The following EML2 variants were observed in gnomAD, a reference collection of about 807,000 sequenced individuals.
EML2 encodes EMAP like 2, also known as echinoderm microtubule-associated protein-like 2.
A neutral mutation model predicts 84.7 loss-of-function variants in EML2; 59 were observed. That is an observed-to-expected ratio of 0.70 (90% CI 0.56 to 0.86). The LOEUF (loss-of-function observed/expected upper bound fraction) is 0.86. EML2 is among the 40% of genes least tolerant of loss of function. The pLI is 0.00. For synonymous variants in EML2, 352 were observed against 348.9 expected, an observed-to-expected ratio of 1.01 and a Z score of -0.10; for missense variants, 818 against 855.6, an observed-to-expected ratio of 0.96 and a Z score of 0.55.
rs72487266 is a variant in EML2 at position 45,627,256 on chromosome 19, C to CTT, written c.607-419_607-418dup. Among the ~76,000 whole-genome samples, 192 of 135,602 alleles carry CTT rather than the reference C, an allele frequency of 1.4e-3. 1 individual carries two copies. Among genetic ancestry groups the CTT allele is most frequent in the African/African-American group, 4.9e-3 (181 of 36,724 alleles). The allele number at this position is 135,602 out of a possible 152,430, so 89.0% of individuals were successfully genotyped here. A position where few individuals can be genotyped will look rare whatever the true frequency, so the allele number is the denominator to read the frequency against. ...ACAGGCGTGAGCCACTGCGCCCGGCCTTTTTTTTTTTTTTTTTGAATATGA... is the reference window on the plus strand; with the variant it reads ...ACAGGCGTGAGCCACTGCGCCCGGCCTTTTTTTTTTTTTTTTTTTGAATATGA... On this transcript the variant is annotated intron_variant, in intron 7 of 18. Coordinates refer to ENST00000245925, the MANE Select transcript of EML2 (RefSeq NM_012155.4).
intron 18 of EML2, among the ~76,000 whole-genome samples, chr19:45,611,279 T>C (rs1970465246): frequency 6.6e-6 from 1 of 151,440 alleles, no homozygotes; most frequent in African/African-American, 2.4e-5. Flanking sequence ...GGCATGGTGG[T>C]GCATGCCTGT....
chr19:45,634,436 AGGTT>A lies in EML2; in HGVS notation c.211_214del (p.Asn71PhefsTer9). 6.2e-7 allele frequency: 1 copy of A among 1,613,776 alleles called. No homozygotes were observed. Among genetic ancestry groups the A allele is most frequent in the Admixed American group, 1.7e-5 (1 of 59,948 alleles). Reference sequence around the variant, plus strand: ...TATCTCCCCGGTGGGCAGCAAATAAAGGTTGGCCCGGCAGTCTCGGCCACGGTAG... The same window carrying A: ...TATCTCCCCGGTGGGCAGCAAATAAAGGCCCGGCAGTCTCGGCCACGGTAG... On this transcript the variant is annotated frameshift_variant, in exon 4 of 19. Coordinates refer to ENST00000245925, the MANE Select transcript of EML2 (RefSeq NM_012155.4). LOFTEE classifies it high-confidence loss of function.
At chr19:45,642,311 G>T (rs1250243249), upstream of EML2, 2 of 1,535,826 alleles carry the variant, frequency 1.3e-6, no homozygotes, top group Non-Finnish European at 8.7e-7. Flanking sequence ...GCCGACACGC[G>T]GTCGTCCACT....
chr19:45,637,095 T>A (rs1475917035), intron 3 of EML2, among the ~76,000 whole-genome samples: 1 of 152,354 alleles, frequency 6.6e-6, no homozygotes, highest in African/African-American at 2.4e-5. Flanking sequence ...GCAGGACATT[T>A]GGGACAGATT....
upstream of EML2, chr19:45,642,610 C>G (rs1013788643): frequency 2.7e-6 from 3 of 1,103,330 alleles, no homozygotes; most frequent in Non-Finnish European, 2.4e-6. Flanking sequence ...AGTCCCTTCC[C>G]TCTTATTTTC....
rs1430671601 is a variant in EML2 at position 45,626,846 on chromosome 19, G to T, written c.607-7C>A. On this transcript the variant is annotated splice_polypyrimidine_tract_variant and splice_region_variant and intron_variant, in intron 7 of 18. Transcript: ENST00000245925. ...ATACAGCCTCATTGGAGCACTTTGGGGGGTGGGGGAGATTCTGAATGAGGA... is the reference window on the plus strand; with the variant it reads ...ATACAGCCTCATTGGAGCACTTTGGTGGGTGGGGGAGATTCTGAATGAGGA... 3 of 1,606,772 alleles carry T rather than the reference G, an allele frequency of 1.9e-6. No homozygotes were observed. The highest frequency in any genetic ancestry group is 2.6e-6 in the Non-Finnish European group (3 of 1,176,086).
At chr19:45,609,820 G>T (rs1384273196) in intron 18 of EML2, 32 bp from the exon 19 acceptor site, 1 of 1,607,596 alleles carries the variant, frequency 6.2e-7, no homozygotes, top group Non-Finnish European at 8.5e-7. Context: ...GTGAAGAAAT[G>T]TCAGTGGGGA....
upstream of EML2, chr19:45,641,147 T>A (rs1974444156): frequency 1.9e-5 from 3 of 155,576 alleles, no homozygotes; most frequent in Admixed American, 6.3e-5. Flanking sequence ...GCCCCCCGAT[T>A]TTGATGTCAA....
intron 6 of EML2, among the ~76,000 whole-genome samples, chr19:45,630,394 A>T (rs923529704): frequency 6.6e-6 from 1 of 152,002 alleles, no homozygotes; most frequent in Non-Finnish European, 1.5e-5. Context: ...TCTACTAAAA[A>T]TACAAAAAAT....
upstream of EML2, chr19:45,642,613 T>C (rs544179261): frequency 8.3e-6 from 9 of 1,086,940 alleles, no homozygotes; most frequent in South Asian, 1.2e-4. Flanking sequence ...CCCTTCCCTC[T>C]TATTTTCTAA....
At chr19:45,630,485 G>A (rs1792529472) in intron 6 of EML2, among the ~76,000 whole-genome samples, 1 of 147,284 alleles carries the variant, frequency 6.8e-6, no homozygotes, top group South Asian at 2.2e-4. Context: ...CTGGGAGGCA[G>A]AGGATGCAGT....
At chr19:45,642,186 C>T (rs1289540933), upstream of EML2, 16 of 1,531,408 alleles carry the variant, frequency 1.0e-5, no homozygotes, top group Non-Finnish European at 1.4e-5. Flanking sequence ...GGGTGCCCCG[C>T]GCGCGTAGCG....
chr19:45,617,322 G>T (rs1172386362), intron 13 of EML2, among the ~76,000 whole-genome samples: 3 of 151,910 alleles, frequency 2.0e-5, no homozygotes, highest in Non-Finnish European at 2.9e-5. Context: ...TTGAGAGGCT[G>T]AGGCAGGTGA....
chr19:45,637,470 A>ATTTTTTTTTT, intron 3 of EML2, among the ~76,000 whole-genome samples: 1 of 101,658 alleles, frequency 9.8e-6, no homozygotes, highest in Non-Finnish European at 1.9e-5. Flanking sequence ...ATTATTTTGG[A>ATTTTTTTTTT]TTTTTTTTTT....
chr19:45,639,226 G>T, intron 1 of EML2, 131 bp downstream of exon 1: 2 of 1,015,768 alleles, frequency 2.0e-6, no homozygotes, highest in Non-Finnish European at 2.8e-6. Flanking sequence ...AGCAGAGGGA[G>T]AAACGGGGAG....
intron 11 of EML2, among the ~76,000 whole-genome samples, chr19:45,620,090 T>C (rs1291005661): frequency 1.3e-5 from 2 of 152,012 alleles, no homozygotes; most frequent in African/African-American, 2.4e-5. Context: ...GGTCACAAAA[T>C]GGAAATGTCT....
At chr19:45,610,518 C>T (rs549569409) in intron 18 of EML2, among the ~76,000 whole-genome samples, 1 of 151,356 alleles carries the variant, frequency 6.6e-6, no homozygotes, top group Non-Finnish European at 1.5e-5. Context: ...GCCTGGCCAA[C>T]GTGGTGAAAC....
intron 8 of EML2, among the ~76,000 whole-genome samples, chr19:45,626,001 C>CA (rs1337097931): frequency 6.6e-6 from 1 of 152,120 alleles, no homozygotes; most frequent in Non-Finnish European, 1.5e-5. Context: ...GTCAGCCTCC[C>CA]AGGTAGCTGG....
chr19:45,619,983 G>A (rs773702349), intron 11 of EML2, among the ~76,000 whole-genome samples: 3 of 152,138 alleles, frequency 2.0e-5, no homozygotes, highest in East Asian at 1.9e-4. Context: ...CCCAGGAGAC[G>A]GAGGTTGCAG....
Sources: gnomAD v4.1 joint callset for allele counts (sites outside exome capture counted in the v4.1 genomes callset) on GRCh38, gnomAD v4.1.1 for gene constraint, MANE v1.5 for transcripts, NCBI Gene and HGNC (gene_info 2026-07-23, HGNC 2026-07-21) for gene names.